Variants in ANAPC1 observed in about 807,000 individuals in gnomAD.
The protein encoded by ANAPC1 is anaphase promoting complex subunit 1, also known as anaphase-promoting complex subunit 1.
A neutral mutation model predicts 208.0 loss-of-function variants in ANAPC1; 36 were observed. The observed-to-expected ratio is 0.17, with a 90% CI of 0.13 to 0.23. The LOEUF is 0.23. ANAPC1 is among the 10% of genes least tolerant of loss of function. ANAPC1 has a pLI of 1.00. For missense variants in ANAPC1, 942 were observed against 2,011.6 expected, an observed-to-expected ratio of 0.47 and a Z score of 10.17; for synonymous variants, 378 against 695.2, an observed-to-expected ratio of 0.54 and a Z score of 7.18.
intron 6 of ANAPC1, among the ~76,000 whole-genome samples, chr2:111,871,237 A>G (rs1305016190): frequency 6.6e-6 from 1 of 151,992 alleles, no homozygotes; most frequent in Non-Finnish European, 1.5e-5. Flanking sequence ...TATTTTGATG[A>G]GAATTATGGT....
intron 10 of ANAPC1, among the ~76,000 whole-genome samples, chr2:111,860,835 C>A (rs1682020394): frequency 1.3e-5 from 2 of 151,896 alleles, no homozygotes; most frequent in African/African-American, 4.8e-5. Context: ...CTTTGAGAAT[C>A]TAAGGAATGT....
chr2:111,824,240 CAA>C lies in ANAPC1; in HGVS notation c.2812+724_2812+725del, dbSNP rs1180333720. On this transcript the variant is annotated intron_variant, in intron 24 of 47. Transcript: ENST00000341068. ...TTATTGTCATTTTTAAGGTAAAATG[CAA>C]AAAAAAAAAAAAAAAACCTGTCAGA... 4.4e-4 allele frequency among the ~76,000 whole-genome samples: 31 copies of C among 71,212 alleles called. 1 individual carries two copies. Among genetic ancestry groups the C allele is most frequent in the African/African-American group, 6.5e-4 (13 of 19,930 alleles). 46.7% of individuals were successfully genotyped at this position (71,212 alleles called of 152,430 possible).
intron 18 of ANAPC1, among the ~76,000 whole-genome samples, chr2:111,837,111 T>C (rs1680512736): frequency 6.6e-6 from 1 of 151,610 alleles, no homozygotes; most frequent in African/African-American, 2.4e-5. Flanking sequence ...AAACAAACCA[T>C]GGTATATTCA....
At chr2:111,833,502 T>C in intron 19 of ANAPC1, among the ~76,000 whole-genome samples, 191 bp from the exon 20 acceptor site, 1 of 152,046 alleles carries the variant, frequency 6.6e-6, no homozygotes, top group Non-Finnish European at 1.5e-5. Flanking sequence ...AATCTCTTTT[T>C]GCTAAATTTT....
chr2:111,833,262 T>C lies in ANAPC1; in HGVS notation c.2434A>G (p.Thr812Ala), dbSNP rs769523865. ...YVDHYYRDYP[T>A]LVRTTGQVCT... ...ACTTGTCCAGTAGTTCTGACAAGCG[T>C]TGGGTAGTCTCTATAGTAATGATCT... The change falls in exon 20 of 48, where the codon ACG becomes GCG. Residue 812 changes from threonine (T) to alanine (A), a missense_variant. Coordinates refer to ENST00000341068, the MANE Select transcript of ANAPC1 (RefSeq NM_022662.4). 63 of 1,603,396 alleles carry C rather than the reference T, an allele frequency of 3.9e-5. 1 individual carries two copies. In the South Asian group the frequency reaches 6.2e-4, roughly 16 times the overall value.
At chr2:111,799,117 AT>A (rs1021180054) in intron 34 of ANAPC1, among the ~76,000 whole-genome samples, 2 of 152,188 alleles carry the variant, frequency 1.3e-5, no homozygotes, top group African/African-American at 4.8e-5. Context: ...AAAAATACAA[AT>A]TTTTTTAAAA....
At chr2:111,870,679 G>A (rs1394849534) in intron 6 of ANAPC1, among the ~76,000 whole-genome samples, 3 of 152,136 alleles carry the variant, frequency 2.0e-5, no homozygotes, top group Admixed American at 2.0e-4. Context: ...TTCTTTTGCT[G>A]TGCAGAAGCT....
At chr2:111,867,554 T>C (rs888089242) in intron 7 of ANAPC1, among the ~76,000 whole-genome samples, 1 of 151,872 alleles carries the variant, frequency 6.6e-6, no homozygotes, top group Admixed American at 6.6e-5. Flanking sequence ...TAGCCAGGCA[T>C]GGTGGCGTGT....
chr2:111,864,740 G>A (rs1241726457), intron 8 of ANAPC1, 66 bp downstream of exon 8: 3 of 1,602,980 alleles, frequency 1.9e-6, no homozygotes, highest in African/African-American at 1.3e-5. Flanking sequence ...TAGGATTACA[G>A]GTGTGAGCCA....
chr2:111,875,055 C>T (rs1004492975), intron 3 of ANAPC1, among the ~76,000 whole-genome samples: 6 of 152,204 alleles, frequency 3.9e-5, no homozygotes, highest in Admixed American at 2.6e-4. Flanking sequence ...CAGCAATGCA[C>T]AGGAGTTCCA....
chr2:111,874,547 T>C (rs1174462163), intron 3 of ANAPC1, among the ~76,000 whole-genome samples: 1 of 152,160 alleles, frequency 6.6e-6, no homozygotes, highest in Non-Finnish European at 1.5e-5. Flanking sequence ...TCTATTTTAT[T>C]TCACTTAACA....
intron 8 of ANAPC1, 27 bp from the exon 9 acceptor site, chr2:111,863,922 A>G (rs1357717233): frequency 1.9e-5 from 4 of 207,608 alleles, no homozygotes; most frequent in Non-Finnish European, 3.0e-5. Context: ...GAGAAAGAGG[A>G]AAAAAAAAAA....
intron 21 of ANAPC1, among the ~76,000 whole-genome samples, chr2:111,831,048 C>A (rs189119752): frequency 5.2e-4 from 79 of 152,232 alleles, no homozygotes; most frequent in Non-Finnish European, 4.4e-5. Flanking sequence ...TACTAATTAG[C>A]CATAGAATGC....
chr2:111,788,353 T>C (rs1283220405), intron 38 of ANAPC1, 33 bp from the exon 39 acceptor site: 8 of 1,611,428 alleles, frequency 5.0e-6, no homozygotes, highest in Admixed American at 1.7e-5. Flanking sequence ...ACAGATGTTA[T>C]TGATTATATT....
At chr2:111,829,213 A>G (rs1175897442) in intron 21 of ANAPC1, among the ~76,000 whole-genome samples, 4 of 152,204 alleles carry the variant, frequency 2.6e-5, no homozygotes, top group Non-Finnish European at 4.4e-5. Flanking sequence ...CTCCGTCTCA[A>G]GAAACAATAA....
In ANAPC1 at chr2:111,880,995, G is replaced by A. The variant is rs552021122; in HGVS notation, c.-24-146C>T. On this transcript the variant is annotated intron_variant, in intron 1 of 47. Transcript: ENST00000341068. ...TATATAAGTTGGTCATAACATAAAA[G>A]GGCATTCTAGATCTGATTCAGACAG... 1.9e-4 allele frequency: 127 copies of A among 679,276 alleles called. 1 individual carries two copies. In the South Asian group the frequency reaches 2.3e-3, roughly 13 times the overall value. The allele number at this position is 679,276 out of a possible 1,614,324, so 42.1% of individuals were successfully genotyped here.
intron 1 of ANAPC1, among the ~76,000 whole-genome samples, chr2:111,881,708 T>C (rs528364512): frequency 6.6e-6 from 1 of 152,352 alleles, no homozygotes; most frequent in African/African-American, 2.4e-5. Context: ...CCTGTTTATA[T>C]ATACCATGTT....
At chr2:111,805,991 C>T (rs1243419509) in intron 29 of ANAPC1, 98 bp from the exon 30 acceptor site, 8 of 433,422 alleles carry the variant, frequency 1.8e-5, no homozygotes, top group East Asian at 4.7e-5. Flanking sequence ...ACTGGACATA[C>T]GAATGGAATA....
intron 34 of ANAPC1, among the ~76,000 whole-genome samples, chr2:111,796,814 C>A (rs1678187602): frequency 8.2e-6 from 1 of 122,272 alleles, no homozygotes; most frequent in African/African-American, 3.4e-5. Flanking sequence ...AGATGAGAAC[C>A]CAGAGAAAAG....
Sources: gnomAD v4.1 joint callset for allele counts (sites outside exome capture counted in the v4.1 genomes callset) on GRCh38, gnomAD v4.1.1 for gene constraint, MANE v1.5 for transcripts, NCBI Gene and HGNC (gene_info 2026-07-23, HGNC 2026-07-21) for gene names.